The following LTBP2 variants were observed in gnomAD, a reference collection of about 807,000 sequenced individuals.
LTBP2 encodes the protein latent transforming growth factor beta binding protein 2, also known as latent-transforming growth factor beta-binding protein 2.
A neutral mutation model predicts 210.6 loss-of-function variants in LTBP2; 103 were observed. The observed-to-expected ratio is 0.49, with a 90% CI of 0.42 to 0.58. The LOEUF is 0.58. LTBP2 is among the 20% of genes least tolerant of loss of function. The pLI is 0.00. For synonymous variants in LTBP2, 1,007 were observed against 1,015.0 expected, an observed-to-expected ratio of 0.99 and a Z score of 0.15; for missense variants, 2,313 against 2,494.5, an observed-to-expected ratio of 0.93 and a Z score of 1.55.
chr14:74,522,830 G>A lies in LTBP2; in HGVS notation c.2619C>T (p.Ser873=). The A allele has an allele frequency of 6.2e-7, 1 of 1,612,192 alleles. No homozygotes were observed. Among genetic ancestry groups the A allele is most frequent in the Middle Eastern group, 1.7e-4 (1 of 6,060 alleles). ...NLPDGYRCVC[S]PGYQLHPSQA... ...GGCTGGGGTGCAGCTGGTAGCCAGG[G>A]CTGCAGACACATCTGTATCCATCGG... Residue 873 remains serine, a synonymous_variant, in exon 16 of 36, where the codon AGC becomes AGT. Transcript: ENST00000261978.
intron 13 of LTBP2, 40 bp downstream of exon 13, chr14:74,527,307 G>T: frequency 6.2e-7 from 1 of 1,606,296 alleles, no homozygotes; most frequent in East Asian, 2.2e-5. Context: ...CCTGCTCTCT[G>T]CCATGCTTGC....
chr14:74,504,325 T>C (rs186069743), intron 30 of LTBP2, among the ~76,000 whole-genome samples: 1 of 152,312 alleles, frequency 6.6e-6, no homozygotes, highest in African/African-American at 2.4e-5. Context: ...TCTCCATCAT[T>C]TCCTTCTCAA....
chr14:74,533,213 C>A (rs1348936344), intron 9 of LTBP2, among the ~76,000 whole-genome samples: 2 of 152,222 alleles, frequency 1.3e-5, no homozygotes, highest in Admixed American at 6.5e-5. Context: ...ACATATAATA[C>A]CCCATTTAAT....
intron 3 of LTBP2, among the ~76,000 whole-genome samples, chr14:74,564,137 TTA>T (rs1203936572): frequency 8.6e-3 from 59 of 6,838 alleles, no homozygotes; most frequent in African/African-American, 0.017. Flanking sequence ...ATATATATAT[TTA>T]TATATATATA....
At chr14:74,526,628 C>G (rs998891059) in intron 13 of LTBP2, among the ~76,000 whole-genome samples, 4 of 152,206 alleles carry the variant, frequency 2.6e-5, no homozygotes, top group African/African-American at 9.7e-5. Context: ...CTGGCTGCGT[C>G]TGTGGGGACC....
intron 28 of LTBP2, 91 bp from the exon 29 acceptor site, chr14:74,505,265 T>C: frequency 7.0e-7 from 1 of 1,427,460 alleles, no homozygotes; most frequent in Non-Finnish European, 9.6e-7. Context: ...TTAACATTTG[T>C]GTAGCACTTT....
intron 1 of LTBP2, among the ~76,000 whole-genome samples, chr14:74,609,318 A>C (rs1459889501): frequency 1.3e-5 from 2 of 152,194 alleles, no homozygotes; most frequent in African/African-American, 2.4e-5. Context: ...ACCTGTGTAC[A>C]GCAGGTGGCA....
chr14:74,506,563 C>T (rs1045396349), intron 27 of LTBP2, 135 bp downstream of exon 27: 13 of 1,416,712 alleles, frequency 9.2e-6, no homozygotes, highest in South Asian at 1.2e-5. Flanking sequence ...TGAAGTCTCC[C>T]TCTTCTTTGA....
intron 2 of LTBP2, among the ~76,000 whole-genome samples, chr14:74,589,060 G>GCA (rs1478393052): frequency 6.6e-6 from 1 of 152,162 alleles, no homozygotes; most frequent in Admixed American, 6.5e-5. Context: ...CTGAGAAACT[G>GCA]CACATCTCAA....
At chr14:74,549,575 G>A (rs1353852464) in intron 8 of LTBP2, among the ~76,000 whole-genome samples, 6 of 152,202 alleles carry the variant, frequency 3.9e-5, no homozygotes, top group Non-Finnish European at 8.8e-5. Context: ...GGTGTGCAGG[G>A]GAACACTGAG....
chr14:74,540,339 G>A (rs1490896102), intron 8 of LTBP2, among the ~76,000 whole-genome samples: 2 of 151,974 alleles, frequency 1.3e-5, no homozygotes, highest in African/African-American at 4.8e-5. Flanking sequence ...CGGGCGTGGT[G>A]GCATGAGCCT....
chr14:74,526,548 GA>G (rs1310447629), intron 13 of LTBP2, among the ~76,000 whole-genome samples: 1 of 152,222 alleles, frequency 6.6e-6, no homozygotes, highest in Non-Finnish European at 1.5e-5. Context: ...ATAGCCAGTG[GA>G]CAGAATTTGC....
chr14:74,522,080 C>T (rs1328971392), intron 16 of LTBP2, 41 bp from the exon 17 acceptor site: 15 of 1,590,952 alleles, frequency 9.4e-6, no homozygotes, highest in South Asian at 3.4e-5. Context: ...GGGGGGCCAG[C>T]GGTGCCGTTC....
Position 74,528,967 on chromosome 14 carries a change from G to A in LTBP2, c.2143C>T (p.Pro715Ser). Residue 715 changes from proline (P) to serine (S), a missense_variant, in exon 11 of 36, where the codon CCT (proline) becomes TCT (serine). Pro to Ser is a moderately conservative substitution (Grantham distance 74, BLOSUM62 -1). Transcript: ENST00000261978. ...GGGAACAGGAGGTTACCTGTGCCAGGCAGAGGGCATTTCTCACACTCGCTG... is the reference window on the plus strand; with the variant it reads ...GGGAACAGGAGGTTACCTGTGCCAGACAGAGGGCATTTCTCACACTCGCTG... ...WGSECEKCPL[P>S]GTEAFREICP... is the part of the protein sequence containing the mutation. 1 of 1,611,192 alleles carries A rather than the reference G, an allele frequency of 6.2e-7. No homozygotes were observed. Among genetic ancestry groups the A allele is most frequent in the Non-Finnish European group, 8.5e-7 (1 of 1,179,204 alleles).
At chr14:74,523,155 G>A (rs1025245778) in intron 15 of LTBP2, among the ~76,000 whole-genome samples, 1 of 151,972 alleles carries the variant, frequency 6.6e-6, no homozygotes, top group Non-Finnish European at 1.5e-5. Flanking sequence ...CCCCCTCACC[G>A]AGATCTAATG....
rs757299263 is a variant in LTBP2, at chr14:74,522,778, C to A, written c.2659+12G>T. ...CAGCCGCCAAGTAAGCCCAGGGCACCCAAGTGAATACCTGTGCAGTAGGCC... is the reference window on the plus strand; with the variant it reads ...CAGCCGCCAAGTAAGCCCAGGGCACACAAGTGAATACCTGTGCAGTAGGCC... On this transcript the variant is annotated intron_variant, in intron 16 of 35. Coordinates refer to ENST00000261978, the MANE Select transcript of LTBP2 (RefSeq NM_000428.3). 3.7e-6 allele frequency: 6 copies of A among 1,608,582 alleles called. No homozygotes were observed. The Admixed American group carries it at 1.0e-4, about 27-fold the overall frequency.
intron 15 of LTBP2, 147 bp from the exon 16 acceptor site, chr14:74,523,065 G>T: frequency 1.0e-6 from 1 of 980,128 alleles, no homozygotes; most frequent in Admixed American, 2.4e-5. Context: ...CCCATGCACA[G>T]CTTGGCCTTG....
intron 3 of LTBP2, among the ~76,000 whole-genome samples, chr14:74,576,518 A>G (rs2088060053): frequency 6.6e-6 from 1 of 152,144 alleles, no homozygotes; most frequent in Non-Finnish European, 1.5e-5. Context: ...GCCAGAGGAA[A>G]GGACTCTCAA....
At position 74,505,075 on chromosome 14, in the gene LTBP2, A is replaced by G. The variant is rs1458948298; in HGVS notation, c.4277T>C (p.Val1426Ala). 2 of 1,614,154 alleles carry G rather than the reference A, an allele frequency of 1.2e-6. No homozygotes were observed. The highest frequency in any genetic ancestry group is 3.3e-5 in the Admixed American group (2 of 60,034). ...AGCCTGTGTGGTGTTCCGGCCCAGG[A>G]CACTGGAGCAGGGCGCATGGCCCTT... ...GQKGHAPCSS[V>A]LGRNTTQAEC... Residue 1426 changes from valine (V) to alanine (A), a missense_variant, in exon 29 of 36, where the codon GTC becomes GCC. By Grantham distance (64) the Val-to-Ala change is moderately conservative (BLOSUM62 0). Coordinates refer to ENST00000261978, the MANE Select transcript of LTBP2 (RefSeq NM_000428.3).
Sources: allele counts gnomAD v4.1 joint callset (sites outside exome capture counted in the v4.1 genomes callset), GRCh38; gene constraint gnomAD v4.1.1; transcripts MANE v1.5; gene names NCBI Gene and HGNC (gene_info 2026-07-23, HGNC 2026-07-21).